The following FAM219A variants were observed in gnomAD, a reference collection of about 807,000 sequenced individuals.
FAM219A encodes family with sequence similarity 219 member A.
Under a neutral mutation model 23.4 loss-of-function variants are expected in FAM219A, and 7 were observed. The observed-to-expected ratio is 0.30, with a 90% CI of 0.17 to 0.56. FAM219A has a LOEUF of 0.56. Ranked by LOEUF, FAM219A falls within the 20% of genes least tolerant of loss-of-function variation. The pLI is 0.92. For missense variants in FAM219A, 166 were observed against 246.9 expected, an observed-to-expected ratio of 0.67 and a Z score of 2.20; for synonymous variants, 93 against 99.0, an observed-to-expected ratio of 0.94 and a Z score of 0.36.
Position 34,415,883 on chromosome 9 carries a change from G to A in FAM219A, c.61-9919C>T, listed in dbSNP as rs75219040. 1.1e-3 allele frequency among the ~76,000 whole-genome samples: 170 copies of A among 152,246 alleles called. No homozygotes were observed. In the East Asian group the frequency reaches 0.029, roughly 26 times the overall value. Reference sequence around the variant, plus strand: ...TCAGAAAGAAGTAAACACAAGAGATGGTGAGAGTGCTCCCTAGGTTTCAGT... The same window carrying A: ...TCAGAAAGAAGTAAACACAAGAGATAGTGAGAGTGCTCCCTAGGTTTCAGT... On this transcript the variant is annotated intron_variant, in intron 1 of 5. Transcript: ENST00000651358.
Position 34,401,654 on chromosome 9 carries a change from G to A in FAM219A, c.399+12C>T. On this transcript the variant is annotated intron_variant, in intron 5 of 5. Coordinates refer to ENST00000651358, the MANE Select transcript of FAM219A (RefSeq NM_001184940.2). Reference sequence around the variant, plus strand: ...CCGGTGGTGTCTAGGGTGAGAAGGGGTAGGGGCTCACCTCAGCAGAGGAGT... The same window carrying A: ...CCGGTGGTGTCTAGGGTGAGAAGGGATAGGGGCTCACCTCAGCAGAGGAGT... 1 of 1,605,426 alleles carries A rather than the reference G, an allele frequency of 6.2e-7. No homozygotes were observed. Among genetic ancestry groups the A allele is most frequent in the Non-Finnish European group, 8.5e-7 (1 of 1,177,520 alleles).
At position 34,400,614 on chromosome 9, in the gene FAM219A, G is replaced by A. The variant is rs557338268; in HGVS notation, c.*350C>T. 1.5e-5 allele frequency: 3 copies of A among 195,992 alleles called. No homozygotes were observed. In the South Asian group the frequency reaches 5.4e-4, roughly 35 times the overall value. The allele number at this position is 195,992 out of a possible 1,614,324, so 12.1% of individuals were successfully genotyped here. Reference sequence around the variant, plus strand: ...GGTGGGGCCAAGCCCCTGGCTTTGTGATCCCCCCACTCGTTAATGTTGACC... The same window carrying A: ...GGTGGGGCCAAGCCCCTGGCTTTGTAATCCCCCCACTCGTTAATGTTGACC... On this transcript the variant is annotated 3_prime_UTR_variant, in exon 6 of 6. Coordinates refer to ENST00000651358, the MANE Select transcript of FAM219A (RefSeq NM_001184940.2).
chr9:34,400,959 G>GC lies in FAM219A; in HGVS notation c.*4dup. The GC allele has an allele frequency of 6.5e-7, 1 of 1,534,080 alleles. No individual in the cohort carries two copies. ...CCGCCCCGGCGACCGCAGTGGCCCC[G>GC]CCCGCTACTGAATGTGGCAGGCGGT... On this transcript the variant is annotated 3_prime_UTR_variant, in exon 6 of 6. Transcript: ENST00000651358.
intron 1 of FAM219A, among the ~76,000 whole-genome samples, chr9:34,437,953 C>T (rs1487154997): frequency 6.6e-6 from 1 of 151,738 alleles, no homozygotes; most frequent in African/African-American, 2.4e-5. Flanking sequence ...ACCCGGGCTG[C>T]GCGTGGCGCT....
intron 1 of FAM219A, among the ~76,000 whole-genome samples, chr9:34,437,200 T>A (rs561485057): frequency 1.9e-4 from 29 of 152,216 alleles, no homozygotes; most frequent in Admixed American, 3.9e-4. Context: ...CTCAATTATC[T>A]TGACTAGGAT....
chr9:34,445,713 G>A (rs748452168), intron 1 of FAM219A, among the ~76,000 whole-genome samples: 3 of 152,230 alleles, frequency 2.0e-5, no homozygotes, highest in Non-Finnish European at 4.4e-5. Flanking sequence ...AGTTGCGAAG[G>A]AGGGTCTAAT....
intron 1 of FAM219A, among the ~76,000 whole-genome samples, chr9:34,422,457 T>A (rs570210298): frequency 5.4e-4 from 83 of 152,358 alleles, no homozygotes; most frequent in African/African-American, 1.9e-3. Flanking sequence ...AGTCATGAGA[T>A]TAACAACGTA....
chr9:34,456,947 G>A (rs959587822), intron 1 of FAM219A, among the ~76,000 whole-genome samples: 1 of 152,172 alleles, frequency 6.6e-6, no homozygotes, highest in African/African-American at 2.4e-5. Flanking sequence ...CATCTTGGCT[G>A]CTGTAATGGG....
At chr9:34,445,639 G>A (rs1292677354) in intron 1 of FAM219A, among the ~76,000 whole-genome samples, 1 of 152,174 alleles carries the variant, frequency 6.6e-6, no homozygotes, top group Non-Finnish European at 1.5e-5. Context: ...AAAGCCTAGT[G>A]TAGATGCCTC....
At chr9:34,437,793 C>T (rs992388632) in intron 1 of FAM219A, among the ~76,000 whole-genome samples, 1 of 152,248 alleles carries the variant, frequency 6.6e-6, no homozygotes, top group Non-Finnish European at 1.5e-5. Flanking sequence ...TCGCTCTCAG[C>T]GCCTCCTCTG....
chr9:34,425,811 CAT>C (rs1822444605), intron 1 of FAM219A, among the ~76,000 whole-genome samples: 1 of 152,138 alleles, frequency 6.6e-6, no homozygotes, highest in African/African-American at 2.4e-5. Context: ...AAAAAAAAAT[CAT>C]ATTCTGGGAA....
At chr9:34,415,882 T>C (rs1328184578) in intron 1 of FAM219A, among the ~76,000 whole-genome samples, 1 of 152,122 alleles carries the variant, frequency 6.6e-6, no homozygotes, top group Non-Finnish European at 1.5e-5. Context: ...ACACAAGAGA[T>C]GGTGAGAGTG....
In FAM219A at chr9:34,424,274, G is replaced by A. The variant is rs958587174; in HGVS notation, c.61-18310C>T. Among the ~76,000 whole-genome samples the A allele has an allele frequency of 4.6e-5, 7 of 152,178 alleles. No homozygotes were observed. The East Asian group carries it at 1.3e-3, about 29-fold the overall frequency. ...TTTGAAGACATGAGGGAGGACTCAA[G>A]ATGCTGTTCTCAGGCTTGCTGATAT... On this transcript the variant is annotated intron_variant, in intron 1 of 5. Coordinates refer to ENST00000651358, the MANE Select transcript of FAM219A (RefSeq NM_001184940.2).
intron 1 of FAM219A, among the ~76,000 whole-genome samples, chr9:34,441,200 CAAGT>C (rs1467879890): frequency 1.3e-5 from 2 of 152,322 alleles, no homozygotes; most frequent in East Asian, 1.9e-4. Flanking sequence ...GCTCAGGAAA[CAAGT>C]AAGACCCTCC....
intron 1 of FAM219A, among the ~76,000 whole-genome samples, chr9:34,440,987 C>T (rs1214035885): frequency 2.6e-5 from 4 of 152,110 alleles, no homozygotes; most frequent in Non-Finnish European, 5.9e-5. Flanking sequence ...CCTCCTTGAG[C>T]CTCTCGAGTA....
intron 1 of FAM219A, among the ~76,000 whole-genome samples, chr9:34,409,048 G>C (rs150724088): frequency 2.0e-5 from 3 of 152,320 alleles, no homozygotes; most frequent in Non-Finnish European, 4.4e-5. Flanking sequence ...GGCCTACTGG[G>C]CAGTTCCTGA....
At chr9:34,405,658 C>T (rs1255698069) in intron 2 of FAM219A, among the ~76,000 whole-genome samples, 2 of 152,206 alleles carry the variant, frequency 1.3e-5, no homozygotes, top group Non-Finnish European at 2.9e-5. Context: ...TTCAGAGATG[C>T]CTCTTAGAGT....
rs536200296 is a variant in FAM219A, at chr9:34,447,824, A to G, written c.60+10380T>C. Among the ~76,000 whole-genome samples the G allele has an allele frequency of 7.2e-5, 11 of 152,148 alleles. No homozygotes were observed. In the South Asian group the frequency reaches 2.3e-3, roughly 32 times the overall value. On this transcript the variant is annotated intron_variant, in intron 1 of 5. Coordinates refer to ENST00000651358, the MANE Select transcript of FAM219A (RefSeq NM_001184940.2). The stretch of plus-strand genomic sequence containing the variant: ...AGGATTTTAAACTTTATATTAATTC[A>G]ATACTTCAGAAACCAGTGCTGAAGA...
At chr9:34,420,591 G>C (rs1329066202) in intron 1 of FAM219A, among the ~76,000 whole-genome samples, 4 of 152,148 alleles carry the variant, frequency 2.6e-5, no homozygotes, top group Admixed American at 6.6e-5. Context: ...ATAACCCAAA[G>C]GAAGGGTCAA....
Sources: gnomAD v4.1 joint callset for allele counts (sites outside exome capture counted in the v4.1 genomes callset) on GRCh38, gnomAD v4.1.1 for gene constraint, MANE v1.5 for transcripts, NCBI Gene and HGNC (gene_info 2026-07-23, HGNC 2026-07-21) for gene names.